Variants in ZNF804A observed in about 807,000 individuals in gnomAD.
The protein encoded by ZNF804A is zinc finger protein 804A.
A neutral mutation model predicts 16.5 loss-of-function variants in ZNF804A; 2 were observed. The ratio of observed to expected loss-of-function variants is 0.12; its 90% CI spans 0.05 to 0.38. The LOEUF is 0.38. Ranked by LOEUF, ZNF804A falls within the 10% of genes least tolerant of loss-of-function variation. The probability of loss-of-function intolerance (pLI) is 0.99; values close to 1 mark genes in which losing one functional copy is unlikely to be tolerated. For synonymous variants in ZNF804A, 534 were observed against 489.6 expected (o/e 1.09, Z -1.20); for missense variants, 1,473 against 1,390.7 (o/e 1.06, Z -0.94).
intron 1 of ZNF804A, among the ~76,000 whole-genome samples, chr2:184,865,738 A>G (rs1695869358): frequency 6.6e-6 from 1 of 152,146 alleles, no homozygotes; most frequent in Non-Finnish European, 1.5e-5. Flanking sequence ...CTGCTTGTGC[A>G]GTTTAATCCT....
intron 1 of ZNF804A, among the ~76,000 whole-genome samples, chr2:184,833,012 C>A (rs1195435422): frequency 1.3e-5 from 2 of 152,022 alleles, no homozygotes; most frequent in Non-Finnish European, 2.9e-5. Context: ...ATTTTCCCAG[C>A]AGTGAGATTC....
chr2:184,889,149 A>AT (rs371362703), intron 2 of ZNF804A, among the ~76,000 whole-genome samples: 27 of 146,664 alleles, frequency 1.8e-4, no homozygotes, highest in African/African-American at 2.5e-4. Context: ...CTCTTCATGT[A>AT]TTTTTTTTTT....
chr2:184,634,191 T>C (rs1691657670), intron 1 of ZNF804A, among the ~76,000 whole-genome samples: 1 of 152,306 alleles, frequency 6.6e-6, no homozygotes, highest in East Asian at 1.9e-4. Flanking sequence ...ATGTCAAAAC[T>C]TTTTTTCATT....
intron 2 of ZNF804A, among the ~76,000 whole-genome samples, chr2:184,922,272 T>C (rs1313197632): frequency 1.3e-5 from 2 of 152,160 alleles, no homozygotes; most frequent in African/African-American, 2.4e-5. Flanking sequence ...TTTTATTGCT[T>C]ATCTTTTGGA....
intron 1 of ZNF804A, among the ~76,000 whole-genome samples, chr2:184,806,096 GA>G (rs1199615860): frequency 6.6e-6 from 1 of 151,628 alleles, no homozygotes; most frequent in Non-Finnish European, 1.5e-5. Context: ...TTTATAGTCA[GA>G]AAAAAAATTA....
intron 2 of ZNF804A, among the ~76,000 whole-genome samples, chr2:184,929,297 G>T (rs1413348492): frequency 4.6e-5 from 7 of 152,068 alleles, no homozygotes; most frequent in Non-Finnish European, 8.8e-5. Context: ...AACCTCAATG[G>T]TTACTTTGAA....
chr2:184,696,240 A>T (rs2105728576), intron 1 of ZNF804A, among the ~76,000 whole-genome samples: 1 of 152,284 alleles, frequency 6.6e-6, no homozygotes, highest in Non-Finnish European at 1.5e-5. Context: ...ATTGGGTTTA[A>T]AAAAACAAAA....
intron 1 of ZNF804A, among the ~76,000 whole-genome samples, chr2:184,793,818 A>T (rs1487611136): frequency 6.6e-6 from 1 of 152,050 alleles, no homozygotes; most frequent in Non-Finnish European, 1.5e-5. Flanking sequence ...GAGAACATAC[A>T]ATGTTTGGTT....
chr2:184,654,160 C>A (rs371502395), intron 1 of ZNF804A, among the ~76,000 whole-genome samples: 6 of 152,332 alleles, frequency 3.9e-5, no homozygotes, highest in African/African-American at 1.4e-4. Flanking sequence ...CAGCCTATAT[C>A]TTCAGCTTTT....
intron 1 of ZNF804A, among the ~76,000 whole-genome samples, chr2:184,725,097 G>A (rs545769527): frequency 6.6e-6 from 1 of 151,598 alleles, no homozygotes; most frequent in Non-Finnish European, 1.5e-5. Context: ...TAGCTACTAG[G>A]ACTAGTTCTG....
At chr2:184,932,359 T>C (rs1182998716) in intron 2 of ZNF804A, among the ~76,000 whole-genome samples, 2 of 152,120 alleles carry the variant, frequency 1.3e-5, no homozygotes, top group African/African-American at 4.8e-5. Flanking sequence ...TGCACATGGC[T>C]AGAAAGGCCT....
At chr2:184,703,689 CAAAA>C (rs10593157) in intron 1 of ZNF804A, among the ~76,000 whole-genome samples, 5 of 56,462 alleles carry the variant, frequency 8.9e-5, no homozygotes, top group Admixed American at 2.8e-4. Flanking sequence ...GACTCCGGTT[CAAAA>C]AAAAAAAAAA....
chr2:184,832,017 A>T (rs1218012150), intron 1 of ZNF804A, among the ~76,000 whole-genome samples: 2 of 152,074 alleles, frequency 1.3e-5, no homozygotes, highest in African/African-American at 4.8e-5. Flanking sequence ...AATAATTAAT[A>T]AAAAATGCAT....
At chr2:184,872,204 T>A (rs932630243) in intron 2 of ZNF804A, among the ~76,000 whole-genome samples, 5 of 152,138 alleles carry the variant, frequency 3.3e-5, no homozygotes, top group African/African-American at 1.2e-4. Flanking sequence ...GATCTGCTGA[T>A]CAGACAAAAG....
At chr2:184,707,741 C>T (rs1033134972) in intron 1 of ZNF804A, among the ~76,000 whole-genome samples, 1 of 151,988 alleles carries the variant, frequency 6.6e-6, no homozygotes, top group Non-Finnish European at 1.5e-5. Context: ...AACAGTGTTG[C>T]ATTTTTGAAT....
chr2:184,781,255 C>A (rs969575604), intron 1 of ZNF804A, among the ~76,000 whole-genome samples: 4 of 151,704 alleles, frequency 2.6e-5, no homozygotes, highest in African/African-American at 9.7e-5. Flanking sequence ...TATATTTTGG[C>A]TTTGCAATGG....
intron 2 of ZNF804A, among the ~76,000 whole-genome samples, chr2:184,891,780 G>A (rs909275825): frequency 2.0e-5 from 3 of 152,058 alleles, no homozygotes; most frequent in Non-Finnish European, 4.4e-5. Flanking sequence ...ACTTTATCCA[G>A]TATTAACAAT....
intron 1 of ZNF804A, among the ~76,000 whole-genome samples, chr2:184,828,683 G>A (rs913175219): frequency 1.3e-5 from 2 of 151,674 alleles, no homozygotes; most frequent in Non-Finnish European, 3.0e-5. Context: ...TTGACTTCAT[G>A]ATGTGTAAAA....
intron 2 of ZNF804A, among the ~76,000 whole-genome samples, chr2:184,913,576 G>A (rs2105833120): frequency 6.6e-6 from 1 of 152,182 alleles, no homozygotes. Flanking sequence ...TTCCAGGTAG[G>A]GGATTGGGAC....
Sources: gnomAD v4.1 joint callset for allele counts (sites outside exome capture counted in the v4.1 genomes callset) on GRCh38, gnomAD v4.1.1 for gene constraint, MANE v1.5 for transcripts, NCBI Gene and HGNC (gene_info 2026-07-23, HGNC 2026-07-21) for gene names.